The following SCFD2 variants were observed in gnomAD, a reference collection of about 807,000 sequenced individuals.
The protein encoded by SCFD2 is sec1 family domain containing 2.
In SCFD2, 54 loss-of-function variants were observed where a neutral mutation model predicts 58.9. The ratio of observed to expected loss-of-function variants is 0.92; its 90% CI spans 0.74 to 1.15. SCFD2 has a LOEUF of 1.15. SCFD2 is among the 50% of genes most tolerant of loss of function. The pLI is 0.00. For synonymous variants in SCFD2, 321 were observed against 335.9 expected, an observed-to-expected ratio of 0.96 and a Z score of 0.49; for missense variants, 805 against 836.6, an observed-to-expected ratio of 0.96 and a Z score of 0.47.
chr4:53,166,177 A>G (rs1414401385), intron 4 of SCFD2, among the ~76,000 whole-genome samples: 1 of 152,240 alleles, frequency 6.6e-6, no homozygotes, highest in East Asian at 1.9e-4. Context: ...TCATTTGTCA[A>G]TGAATATTTA....
intron 5 of SCFD2, among the ~76,000 whole-genome samples, chr4:52,930,970 C>A (rs74937554): frequency 0.048 from 7,262 of 152,136 alleles, 209 homozygotes; most frequent in South Asian, 0.12. Context: ...ACTTTGGGAC[C>A]TTTTTCCAGC....
intron 1 of SCFD2, among the ~76,000 whole-genome samples, chr4:53,360,561 C>A (rs926266059): frequency 1.3e-5 from 2 of 152,190 alleles, no homozygotes; most frequent in South Asian, 4.1e-4. Flanking sequence ...GGCTTTATCA[C>A]CCTACCAGGC....
At chr4:53,086,545 A>G (rs1378132618) in intron 5 of SCFD2, among the ~76,000 whole-genome samples, 1 of 152,224 alleles carries the variant, frequency 6.6e-6, no homozygotes, top group Non-Finnish European at 1.5e-5. Flanking sequence ...CACCCAAAAG[A>G]AAGAAAATCA....
chr4:53,196,646 T>C (rs1242550873), intron 4 of SCFD2, among the ~76,000 whole-genome samples: 1 of 152,054 alleles, frequency 6.6e-6, no homozygotes, highest in African/African-American at 2.4e-5. Flanking sequence ...CAATGATTCA[T>C]ATGATAAGTG....
intron 4 of SCFD2, among the ~76,000 whole-genome samples, chr4:53,210,056 T>C (rs1264664183): frequency 6.6e-6 from 1 of 152,120 alleles, no homozygotes; most frequent in Non-Finnish European, 1.5e-5. Context: ...AACTATAGTT[T>C]TAATTTCAGA....
chr4:53,333,749 T>C (rs1221911280), intron 2 of SCFD2, among the ~76,000 whole-genome samples: 2 of 122,908 alleles, frequency 1.6e-5, no homozygotes, highest in Non-Finnish European at 3.5e-5. Context: ...AATTGACAAA[T>C]GGGATCTAAT....
chr4:53,300,457 T>C (rs538982578), intron 3 of SCFD2, among the ~76,000 whole-genome samples: 1 of 152,078 alleles, frequency 6.6e-6, no homozygotes, highest in Non-Finnish European at 1.5e-5. Context: ...AGCAAGTCCT[T>C]AGAGACCTAC....
At chr4:53,175,946 T>C (rs1727315719) in intron 4 of SCFD2, among the ~76,000 whole-genome samples, 2 of 152,192 alleles carry the variant, frequency 1.3e-5, no homozygotes, top group Non-Finnish European at 1.5e-5. Context: ...AGACTGTGAA[T>C]TTATAACTAT....
At chr4:52,916,488 C>T (rs543187808) in intron 6 of SCFD2, among the ~76,000 whole-genome samples, 1 of 152,162 alleles carries the variant, frequency 6.6e-6, no homozygotes, top group Non-Finnish European at 1.5e-5. Flanking sequence ...GCATGAGAAT[C>T]GCTTGAACCT....
chr4:53,056,950 G>A (rs1478269078), intron 5 of SCFD2, among the ~76,000 whole-genome samples: 1 of 152,162 alleles, frequency 6.6e-6, no homozygotes, highest in Non-Finnish European at 1.5e-5. Context: ...TTGGGAAGCC[G>A]AGGTGGCGGA....
intron 4 of SCFD2, among the ~76,000 whole-genome samples, chr4:53,148,152 C>A (rs919684230): frequency 4.6e-5 from 7 of 152,226 alleles, no homozygotes; most frequent in Admixed American, 3.9e-4. Context: ...GGTCTCCCCC[C>A]AGAGCAAAAT....
At chr4:52,980,423 A>T (rs981535089) in intron 5 of SCFD2, among the ~76,000 whole-genome samples, 1 of 152,156 alleles carries the variant, frequency 6.6e-6, no homozygotes, top group Non-Finnish European at 1.5e-5. Context: ...AGCATGACTC[A>T]AACAGTGGCT....
At chr4:53,019,140 C>T (rs1722285534) in intron 5 of SCFD2, among the ~76,000 whole-genome samples, 1 of 152,118 alleles carries the variant, frequency 6.6e-6, no homozygotes, top group Non-Finnish European at 1.5e-5. Flanking sequence ...CTAAGACTTT[C>T]TCCTAAGGAA....
chr4:53,248,093 G>C (rs778430185), intron 4 of SCFD2, among the ~76,000 whole-genome samples: 1 of 152,186 alleles, frequency 6.6e-6, no homozygotes, highest in Non-Finnish European at 1.5e-5. Flanking sequence ...GAAGCAGGGC[G>C]AGGCATTGCC....
At chr4:53,299,958 T>C (rs1478281342) in intron 3 of SCFD2, among the ~76,000 whole-genome samples, 1 of 151,830 alleles carries the variant, frequency 6.6e-6, no homozygotes, top group Admixed American at 6.6e-5. Context: ...GCACTAAACA[T>C]GGAAAGGAAC....
intron 8 of SCFD2, among the ~76,000 whole-genome samples, chr4:52,877,380 A>C (rs1718498487): frequency 6.6e-6 from 1 of 152,014 alleles, no homozygotes; most frequent in South Asian, 2.1e-4. Context: ...TGTGGAGGGG[A>C]GACTGCAGGA....
At chr4:53,301,575 G>C (rs1307666982) in intron 3 of SCFD2, among the ~76,000 whole-genome samples, 1 of 152,164 alleles carries the variant, frequency 6.6e-6, no homozygotes, top group African/African-American at 2.4e-5. Context: ...AATAGAAAAA[G>C]AGGGAATCCT....
intron 3 of SCFD2, among the ~76,000 whole-genome samples, chr4:53,303,508 T>C (rs1249956776): frequency 6.6e-6 from 1 of 152,202 alleles, no homozygotes; most frequent in Non-Finnish European, 1.5e-5. Flanking sequence ...TTGGTGGGAC[T>C]GTAAACTAGT....
chr4:52,923,477 CAAATAAATAAATAAAT>C (rs57571099), intron 5 of SCFD2, among the ~76,000 whole-genome samples: 1 of 134,362 alleles, frequency 7.4e-6, no homozygotes, highest in East Asian at 2.2e-4. Flanking sequence ...GACTGCATCT[CAAATAAATAAATAAAT>C]AAATAAATAA....
Sources: allele counts gnomAD v4.1 joint callset (sites outside exome capture counted in the v4.1 genomes callset), GRCh38; gene constraint gnomAD v4.1.1; transcripts MANE v1.5; gene names NCBI Gene and HGNC (gene_info 2026-07-23, HGNC 2026-07-21).